Variants in CCDC171 observed in about 807,000 individuals in gnomAD.
CCDC171 encodes the protein coiled-coil domain containing 171.
CCDC171 carries 177 observed loss-of-function variants against 168.2 expected under a neutral mutation model. The ratio of observed to expected loss-of-function variants is 1.05; its 90% CI spans 0.93 to 1.19. CCDC171 has a LOEUF of 1.19. Ranked by LOEUF, CCDC171 falls within the 50% of genes most tolerant of loss-of-function variation. The pLI is 0.00. For missense variants in CCDC171, 1,991 were observed against 1,539.0 expected (o/e 1.29, Z -4.91); for synonymous variants, 687 against 540.8 (o/e 1.27, Z -3.75).
intron 11 of CCDC171, among the ~76,000 whole-genome samples, chr9:15,714,813 G>C (rs6474954): frequency 0.49 from 74,552 of 151,962 alleles, 18,714 homozygotes; most frequent in East Asian, 0.78. Context: ...GGTAATCAGA[G>C]CTAGGACTTT....
intron 24 of CCDC171, among the ~76,000 whole-genome samples, chr9:15,901,704 G>C (rs1225835287): frequency 1.3e-5 from 2 of 151,980 alleles, no homozygotes; most frequent in Non-Finnish European, 2.9e-5. Flanking sequence ...TCTTCACTTG[G>C]TCTATTTGTT....
chr9:15,695,054 C>G (rs1183499253), intron 10 of CCDC171, among the ~76,000 whole-genome samples, 181 bp from the exon 11 acceptor site: 2 of 152,124 alleles, frequency 1.3e-5, no homozygotes. Flanking sequence ...GTTAATAAGA[C>G]CTTGTACAGT....
intron 21 of CCDC171, among the ~76,000 whole-genome samples, chr9:15,797,000 T>C (rs1263351065): frequency 6.6e-6 from 1 of 152,188 alleles, no homozygotes; most frequent in Admixed American, 6.5e-5. Context: ...GATTTTACAT[T>C]TCTATCAGCA....
intron 4 of CCDC171, among the ~76,000 whole-genome samples, chr9:15,582,806 T>C (rs988600128): frequency 2.9e-4 from 44 of 151,652 alleles, no homozygotes; most frequent in African/African-American, 1.1e-3. Flanking sequence ...GGGGGAGGGA[T>C]AGCATCAGGA....
chr9:16,052,336 C>G (rs1186560737), intron 1 of CCDC171, among the ~76,000 whole-genome samples: 2 of 152,192 alleles, frequency 1.3e-5, no homozygotes, highest in Non-Finnish European at 1.5e-5. Flanking sequence ...CTCACGCAGT[C>G]TGGCCTTCCT....
At chr9:16,003,484 C>T (rs1241053829) in intron 3 of CCDC171, among the ~76,000 whole-genome samples, 1 of 152,144 alleles carries the variant, frequency 6.6e-6, no homozygotes, top group Non-Finnish European at 1.5e-5. Flanking sequence ...GAAGAGCCCA[C>T]TGGGAGGACA....
chr9:15,567,641 A>G (rs1477607026), intron 2 of CCDC171, among the ~76,000 whole-genome samples: 2 of 151,742 alleles, frequency 1.3e-5, no homozygotes, highest in Non-Finnish European at 2.9e-5. Context: ...TGTATTTTTC[A>G]GTGTAAAAAT....
At chr9:15,558,959 C>T (rs1305942314) in intron 1 of CCDC171, among the ~76,000 whole-genome samples, 3 of 152,104 alleles carry the variant, frequency 2.0e-5, no homozygotes, top group Non-Finnish European at 4.4e-5. Flanking sequence ...TTTCAAAGAA[C>T]ATCTTTATTT....
chr9:15,792,366 C>T (rs1352287112), intron 21 of CCDC171, among the ~76,000 whole-genome samples: 3 of 152,096 alleles, frequency 2.0e-5, no homozygotes, highest in South Asian at 2.1e-4. Flanking sequence ...CTGAAAGTGA[C>T]GGGGAGAATG....
chr9:15,997,939 G>C (rs566846736), intron 3 of CCDC171, among the ~76,000 whole-genome samples: 37 of 152,328 alleles, frequency 2.4e-4, no homozygotes, highest in African/African-American at 8.7e-4. Flanking sequence ...CCCCTGCCAA[G>C]ATGGTGACTC....
intron 11 of CCDC171, among the ~76,000 whole-genome samples, chr9:15,710,448 G>T (rs2052575313): frequency 6.6e-6 from 1 of 152,018 alleles, no homozygotes; most frequent in Non-Finnish European, 1.5e-5. Context: ...GACTGCAGGT[G>T]CCTGCCACCA....
chr9:15,579,022 TG>T lies in CCDC171; in HGVS notation c.352+1del, dbSNP rs1348910735. On this transcript the variant is annotated frameshift_variant and splice_region_variant, in exon 4 of 26. Transcript: ENST00000380701. LOFTEE classifies it high-confidence loss of function. ...EAHRIQEKLCAQNSELQAKTN... is the reference protein window; with the variant it reads ...EAHRIQEKLCXQNSELQAKTN... ...CACATAGGATCCAAGAAAAACTCTG[TG>T]GTAAGACTGTTTCTATTTCTTCCCA... is the stretch of plus-strand genomic sequence containing the variant. The T allele has an allele frequency of 6.2e-7, 1 of 1,612,324 alleles. No individual in the cohort carries two copies.
intron 11 of CCDC171, among the ~76,000 whole-genome samples, chr9:15,699,115 C>G (rs1262444828): frequency 2.6e-5 from 4 of 152,018 alleles, no homozygotes. Context: ...GCAGCGTGTC[C>G]AGAGTTTGTT....
intron 22 of CCDC171, among the ~76,000 whole-genome samples, chr9:15,847,208 C>G (rs1158374657): frequency 6.6e-6 from 1 of 151,926 alleles, no homozygotes; most frequent in Non-Finnish European, 1.5e-5. Flanking sequence ...TCCACTGTCT[C>G]CGAAATTTTG....
At chr9:15,969,395 G>A (rs994899742) in intron 25 of CCDC171, among the ~76,000 whole-genome samples, 6 of 152,110 alleles carry the variant, frequency 3.9e-5, no homozygotes, top group Admixed American at 6.6e-5. Context: ...AACAAAAAGG[G>A]AAACTTTAAG....
intron 25 of CCDC171, among the ~76,000 whole-genome samples, chr9:15,933,783 A>C (rs1311292805): frequency 3.9e-5 from 6 of 152,032 alleles, no homozygotes. Flanking sequence ...AAATGGATTA[A>C]AAACCTACAT....
At chr9:16,085,559 G>A in the CCDC171 span, among the ~76,000 whole-genome samples, 2 of 152,182 alleles carry the variant, frequency 1.3e-5, no homozygotes, top group East Asian at 3.9e-4. Flanking sequence ...GAGAACGCTG[G>A]TTCCAAATCT....
intron 21 of CCDC171, among the ~76,000 whole-genome samples, chr9:15,788,321 T>C (rs574736649): frequency 3.3e-5 from 5 of 152,322 alleles, no homozygotes; most frequent in Admixed American, 6.5e-5. Context: ...TGAGAATGAA[T>C]TAAGATTCTA....
At chr9:15,649,898 G>C (rs1003520046) in intron 7 of CCDC171, among the ~76,000 whole-genome samples, 1 of 152,086 alleles carries the variant, frequency 6.6e-6, no homozygotes, top group Non-Finnish European at 1.5e-5. Flanking sequence ...CCCATTACTG[G>C]GTATACACCC....
Sources: allele counts gnomAD v4.1 joint callset (sites outside exome capture counted in the v4.1 genomes callset), GRCh38; gene constraint gnomAD v4.1.1; transcripts MANE v1.5; gene names NCBI Gene and HGNC (gene_info 2026-07-23, HGNC 2026-07-21).